GRSF1: variants seen among roughly 807,000 people sequenced by gnomAD.
GRSF1 encodes G-rich sequence factor 1.
GRSF1 carries 50 observed loss-of-function variants against 51.1 expected under a neutral mutation model. That is an observed-to-expected ratio of 0.98 (90% CI 0.78 to 1.24). GRSF1 has a LOEUF of 1.24. Ranked by LOEUF, GRSF1 falls within the 50% of genes most tolerant of loss-of-function variation. GRSF1 has a pLI of 0.00. For synonymous variants in GRSF1, 293 were observed against 253.3 expected (o/e 1.16, Z -1.49); for missense variants, 700 against 639.7 (o/e 1.09, Z -1.02).
chr4:70,831,692 T>G lies in GRSF1; in HGVS notation c.815-18A>C. ...ATTCAGTCCTAGGACACCAAGAGATTTTAATGCTACTAGCAGGCTTTTTTA... is the reference window on the plus strand; with the variant it reads ...ATTCAGTCCTAGGACACCAAGAGATGTTAATGCTACTAGCAGGCTTTTTTA... On this transcript the variant is annotated intron_variant, in intron 4 of 9. Transcript: ENST00000254799. The G allele has an allele frequency of 1.3e-6, 2 of 1,596,518 alleles. No individual in the cohort carries two copies. Among genetic ancestry groups the G allele is most frequent in the Non-Finnish European group, 1.7e-6 (2 of 1,173,322 alleles).
upstream of GRSF1, chr4:70,839,907 T>TG (rs890664538): frequency 5.5e-6 from 7 of 1,281,634 alleles, no homozygotes; most frequent in African/African-American, 4.7e-5. Flanking sequence ...CAGGGCCGGT[T>TG]GGGGGTGGGG....
At chr4:70,831,910 GTTTT>G (rs5859242) in intron 4 of GRSF1, among the ~76,000 whole-genome samples, 2 of 129,648 alleles carry the variant, frequency 1.5e-5, no homozygotes, top group Non-Finnish European at 1.7e-5. Flanking sequence ...CTCCCCACCA[GTTTT>G]TTTTTTTTTT....
chr4:70,825,867 G>T (rs1733714896), intron 7 of GRSF1: 2 of 361,468 alleles, frequency 5.5e-6, no homozygotes, highest in Non-Finnish European at 1.0e-5. Context: ...GGGAGGCAGA[G>T]GTTGCAGTGA....
In GRSF1 at chr4:70,825,366, T is replaced by G. The variant is rs748297375; in HGVS notation, c.1323A>C (p.Gly441=). The change falls in exon 8 of 10, where the codon GGA becomes GGC. Residue 441 remains glycine (G), a synonymous_variant. Coordinates refer to ENST00000254799, the MANE Select transcript of GRSF1 (RefSeq NM_002092.4). The part of the protein sequence containing the change: ...MEYSSSGKAT[G]EADVHFETHE... ...GGGTCTCAAAGTGCACATCAGCTTC[T>G]CCAGTGGCCTTCCCACTGGAGCTGT... is the stretch of plus-strand genomic sequence containing the variant. 4.3e-6 allele frequency: 7 copies of G among 1,612,072 alleles called. No homozygotes were observed. In the East Asian group the frequency reaches 1.3e-4, roughly 31 times the overall value.
chr4:70,826,607 A>C (rs1733747183), intron 6 of GRSF1, among the ~76,000 whole-genome samples: 1 of 151,768 alleles, frequency 6.6e-6, no homozygotes, highest in African/African-American at 2.4e-5. Context: ...TGGAAGGCTG[A>C]AGCAGGAGAA....
chr4:70,840,754 C>A (rs1372886411), upstream of GRSF1, among the ~76,000 whole-genome samples: 1 of 152,080 alleles, frequency 6.6e-6, no homozygotes, highest in Non-Finnish European at 1.5e-5. Flanking sequence ...CAGAGTGAGA[C>A]GCCATCTCCA....
At chr4:70,839,954 G>A, upstream of GRSF1, 1 of 785,874 alleles carries the variant, frequency 1.3e-6, no homozygotes, top group Non-Finnish European at 1.9e-6. Context: ...CTGGGTGGGG[G>A]GCCTCCGAGA....
In GRSF1 at chr4:70,826,169, G is replaced by A; in HGVS notation, c.1212C>T (p.His404=). The A allele has an allele frequency of 6.2e-7, 1 of 1,611,564 alleles. No homozygotes were observed. Among genetic ancestry groups the A allele is most frequent in the Non-Finnish European group, 8.5e-7 (1 of 1,178,234 alleles). The part of the protein sequence containing the change: ...FGTTSSLHFV[H]MRGLPFQANA... ...TGGCTTGGAAAGGTAATCCTCTCATGTGGACAAAATGCAGAGAAGACGTAG... is the reference window on the plus strand; with the variant it reads ...TGGCTTGGAAAGGTAATCCTCTCATATGGACAAAATGCAGAGAAGACGTAG... The change falls in exon 7 of 10, where the codon CAC becomes CAT. Residue 404 remains histidine, a synonymous_variant. Transcript: ENST00000254799.
At chr4:70,839,973 G>A (rs1233428825), upstream of GRSF1, 1 of 654,372 alleles carries the variant, frequency 1.5e-6, no homozygotes, top group Non-Finnish European at 2.4e-6. Context: ...GAGTCGGAAG[G>A]AGGTGGAGGA....
intron 7 of GRSF1, 121 bp downstream of exon 7, chr4:70,826,003 C>T: frequency 1.3e-6 from 1 of 791,624 alleles, no homozygotes; most frequent in South Asian, 1.7e-5. Flanking sequence ...AGGAAGATGC[C>T]ATCTTACTAT....
upstream of GRSF1, chr4:70,839,923 C>G: frequency 1.7e-6 from 2 of 1,162,308 alleles, no homozygotes; most frequent in African/African-American, 3.3e-5. Flanking sequence ...TGGGGTGTGC[C>G]TGGCACATGC....
intron 1 of GRSF1, 185 bp downstream of exon 1, chr4:70,839,286 T>C (rs1194672840): frequency 4.0e-6 from 6 of 1,496,388 alleles, no homozygotes; most frequent in Non-Finnish European, 5.3e-6. Flanking sequence ...ACCCGACGCC[T>C]GGGAGAGCTT....
Position 70,831,659 on chromosome 4 carries a change from T to G in GRSF1, c.830A>C (p.Asp277Ala). 6.2e-7 allele frequency: 1 copy of G among 1,613,136 alleles called. No individual in the cohort carries two copies. The highest frequency in any genetic ancestry group is 1.1e-5 in the South Asian group (1 of 90,984). ...VDFFAGLNIV[D>A]ITFVMDYRGR... is the part of the protein sequence containing the mutation. ...TCTATAGTCCATCACAAAAGTAATG[T>G]CAACTATATTCAGTCCTAGGACACC... Residue 277 changes from aspartate (D) to alanine (A), a missense_variant, in exon 5 of 10, where the codon GAC becomes GCC. Physicochemically the swap from Asp to Ala is moderately radical, Grantham distance 126. Coordinates refer to ENST00000254799, the MANE Select transcript of GRSF1 (RefSeq NM_002092.4).
At position 70,836,148 on chromosome 4, in the gene GRSF1, TA is replaced by T; in HGVS notation, c.514+9del. The T allele has an allele frequency of 6.9e-7, 1 of 1,441,460 alleles. No homozygotes were observed. The allele number at this position is 1,441,460 out of a possible 1,614,324, so 89.3% of individuals were successfully genotyped here. A position where few individuals can be genotyped will look rare whatever the true frequency, so the allele number is the denominator to read the frequency against. On this transcript the variant is annotated intron_variant, in intron 2 of 9. Coordinates refer to ENST00000254799, the MANE Select transcript of GRSF1 (RefSeq NM_002092.4). ...AAAAAATAAATAAATAAAACATACA[TA>T]AAATATACCTGAAAAAAAGTTAAGC...
chr4:70,826,001 G>A, intron 7 of GRSF1, 123 bp downstream of exon 7: 1 of 772,112 alleles, frequency 1.3e-6, no homozygotes, highest in African/African-American at 1.8e-5. Context: ...CCAGGAAGAT[G>A]CCATCTTACT....
At chr4:70,829,183 G>A (rs567534940) in intron 5 of GRSF1, among the ~76,000 whole-genome samples, 1 of 152,134 alleles carries the variant, frequency 6.6e-6, no homozygotes, top group South Asian at 2.1e-4. Context: ...GGGCCACCGC[G>A]CCCAGCACAG....
upstream of GRSF1, among the ~76,000 whole-genome samples, chr4:70,841,926 G>T (rs1277775567): frequency 1.3e-5 from 2 of 152,220 alleles, no homozygotes; most frequent in Non-Finnish European, 2.9e-5. Flanking sequence ...CATCTTCCAG[G>T]AAGGGAGGCT....
rs1186887407 is a variant in GRSF1, at chr4:70,839,451, C to T, written c.357+20G>A. 2 of 1,468,248 alleles carry T rather than the reference C, an allele frequency of 1.4e-6. No homozygotes were observed. Among genetic ancestry groups the T allele is most frequent in the Admixed American group, 4.9e-5 (2 of 40,470 alleles). 91.0% of individuals were successfully genotyped at this position (1,468,248 alleles called of 1,614,324 possible). A position where few individuals can be genotyped will look rare whatever the true frequency, so the allele number is the denominator to read the frequency against. ...GCCCGGGAGGGATCTCGCGCCAGGT[C>T]CCTCACGGCGCCCACGTACCTGGCT... On this transcript the variant is annotated intron_variant, in intron 1 of 9. Coordinates refer to ENST00000254799, the MANE Select transcript of GRSF1 (RefSeq NM_002092.4).
intron 2 of GRSF1, among the ~76,000 whole-genome samples, chr4:70,833,586 A>C (rs1045437284): frequency 3.3e-5 from 5 of 152,238 alleles, no homozygotes; most frequent in African/African-American, 4.8e-5. Context: ...ACTTAAGGAA[A>C]TACAATATAG....
Sources: gnomAD v4.1 joint callset for allele counts (sites outside exome capture counted in the v4.1 genomes callset) on GRCh38, gnomAD v4.1.1 for gene constraint, MANE v1.5 for transcripts, NCBI Gene and HGNC (gene_info 2026-07-23, HGNC 2026-07-21) for gene names.